Variants in CDH13 observed in about 807,000 individuals in gnomAD.
CDH13 encodes the protein cadherin 13, also known as cadherin-13.
A neutral mutation model predicts 63.8 loss-of-function variants in CDH13; 24 were observed. The ratio of observed to expected loss-of-function variants is 0.38; its 90% confidence interval spans 0.27 to 0.53. CDH13 has a LOEUF of 0.53. Among genes scored for constraint, CDH13 ranks in the 20% least tolerant of loss-of-function variants. The probability of loss-of-function intolerance (pLI) is 0.85; values close to 1 mark genes in which losing one functional copy is unlikely to be tolerated. For synonymous variants in CDH13, 503 were observed against 355.3 expected, an observed-to-expected ratio of 1.42 and a Z score of -4.67; for missense variants, 1,049 against 903.1, an observed-to-expected ratio of 1.16 and a Z score of -2.07.
chr16:82,765,501 C>T (rs188759353), intron 1 of CDH13, among the ~76,000 whole-genome samples: 1 of 152,264 alleles, frequency 6.6e-6, no homozygotes, highest in African/African-American at 2.4e-5. Flanking sequence ...AGCTCCCCAC[C>T]AACCACCCCG....
chr16:83,060,088 C>G (rs35103100), intron 3 of CDH13, among the ~76,000 whole-genome samples: 2 of 151,948 alleles, frequency 1.3e-5, no homozygotes, highest in African/African-American at 4.8e-5. Flanking sequence ...GCCACCGCAC[C>G]CGGCCTACTT....
chr16:82,722,379 C>G (rs928105653), intron 1 of CDH13, among the ~76,000 whole-genome samples: 1 of 152,128 alleles, frequency 6.6e-6, no homozygotes, highest in South Asian at 2.1e-4. Context: ...TTGGCAGACT[C>G]AGATCTGTAG....
intron 5 of CDH13, among the ~76,000 whole-genome samples, chr16:83,220,198 T>C (rs1476287040): frequency 6.6e-6 from 1 of 152,218 alleles, no homozygotes; most frequent in East Asian, 1.9e-4. Context: ...CTGAAGCTTC[T>C]TACAGTTGCT....
At chr16:82,846,202 AG>A (rs1423907566) in intron 1 of CDH13, among the ~76,000 whole-genome samples, 2 of 152,182 alleles carry the variant, frequency 1.3e-5, no homozygotes, top group African/African-American at 4.8e-5. Context: ...TCATGTGAAA[AG>A]TTTCAATCAT....
chr16:83,705,007 T>C (rs1287562916), intron 10 of CDH13, among the ~76,000 whole-genome samples: 1 of 152,236 alleles, frequency 6.6e-6, no homozygotes, highest in Non-Finnish European at 1.5e-5. Flanking sequence ...GAATAAGTTA[T>C]CTCACTTAGA....
intron 10 of CDH13, among the ~76,000 whole-genome samples, chr16:83,722,665 G>A (rs1363242500): frequency 6.6e-6 from 1 of 152,212 alleles, no homozygotes; most frequent in Non-Finnish European, 1.5e-5. Flanking sequence ...CTGCACTGAT[G>A]TATCCTGTTG....
chr16:83,074,694 G>C (rs552062703), intron 3 of CDH13, among the ~76,000 whole-genome samples: 34 of 152,254 alleles, frequency 2.2e-4, no homozygotes, highest in Non-Finnish European at 1.8e-4. Flanking sequence ...CTATGAACAG[G>C]AGTCTTTGGA....
chr16:83,279,014 A>G (rs1196280598), intron 5 of CDH13, among the ~76,000 whole-genome samples: 1 of 151,822 alleles, frequency 6.6e-6, no homozygotes. Flanking sequence ...CTTTTTATTT[A>G]TTTATTTTTT....
intron 7 of CDH13, among the ~76,000 whole-genome samples, chr16:83,569,106 TATA>T (rs1321919156): frequency 1.3e-5 from 2 of 152,144 alleles, no homozygotes; most frequent in Non-Finnish European, 2.9e-5. Flanking sequence ...TCCTGCCAAA[TATA>T]ATGTTATTCC....
intron 6 of CDH13, among the ~76,000 whole-genome samples, chr16:83,415,430 C>T (rs999426097): frequency 6.6e-6 from 1 of 152,100 alleles, no homozygotes; most frequent in Non-Finnish European, 1.5e-5. Flanking sequence ...GCTAGTATTA[C>T]CCTGACACCA....
chr16:83,496,606 G>A (rs988309883), intron 7 of CDH13, among the ~76,000 whole-genome samples: 2 of 152,136 alleles, frequency 1.3e-5, no homozygotes, highest in African/African-American at 4.8e-5. Context: ...CATGGGCAAG[G>A]ACTTCATGTC....
intron 5 of CDH13, among the ~76,000 whole-genome samples, chr16:83,283,076 G>A (rs1255920423): frequency 6.6e-6 from 1 of 152,158 alleles, no homozygotes; most frequent in Non-Finnish European, 1.5e-5. Context: ...ACTTAATGAT[G>A]GGGCTGCTCA....
chr16:82,634,029 T>C (rs557768853), intron 1 of CDH13, among the ~76,000 whole-genome samples: 66 of 152,378 alleles, frequency 4.3e-4, no homozygotes, highest in South Asian at 1.7e-3. Flanking sequence ...TTTTGACTTG[T>C]CATGTCTCAT....
At chr16:83,782,714 C>T (rs1362446084) in intron 12 of CDH13, among the ~76,000 whole-genome samples, 1 of 137,410 alleles carries the variant, frequency 7.3e-6, no homozygotes. Context: ...CCAGGCTGGG[C>T]AACAGAGTGA....
At chr16:82,663,591 T>C (rs1443721328) in intron 1 of CDH13, among the ~76,000 whole-genome samples, 1 of 152,240 alleles carries the variant, frequency 6.6e-6, no homozygotes, top group African/African-American at 2.4e-5. Context: ...AGATTTATCA[T>C]TCTTTGTCTA....
chr16:83,132,749 C>T (rs77969593), intron 4 of CDH13, among the ~76,000 whole-genome samples: 1 of 152,118 alleles, frequency 6.6e-6, no homozygotes, highest in South Asian at 2.1e-4. Flanking sequence ...AGGCAACTAG[C>T]AGTTTTATTC....
At chr16:82,913,003 A>G (rs1360383484) in intron 2 of CDH13, among the ~76,000 whole-genome samples, 1 of 151,814 alleles carries the variant, frequency 6.6e-6, no homozygotes. Context: ...TGTTGTCTCT[A>G]CATGGTAAAA....
chr16:83,144,177 C>A (rs939381803), intron 4 of CDH13, among the ~76,000 whole-genome samples: 1 of 152,118 alleles, frequency 6.6e-6, no homozygotes, highest in East Asian at 1.9e-4. Flanking sequence ...ACCTGGAGAG[C>A]CTACAGATGT....
intron 13 of CDH13, among the ~76,000 whole-genome samples, chr16:83,784,352 C>T (rs1915734721): frequency 6.6e-6 from 1 of 152,068 alleles, no homozygotes; most frequent in Non-Finnish European, 1.5e-5. Context: ...AAATGAAGGG[C>T]CAGGCACGGT....
Sources: allele counts gnomAD v4.1 joint callset (sites outside exome capture counted in the v4.1 genomes callset), GRCh38; gene constraint gnomAD v4.1.1; transcripts MANE v1.5; gene names NCBI Gene and HGNC (gene_info 2026-07-23, HGNC 2026-07-21).